The following ASCL3 variants were observed in gnomAD, a reference collection of about 807,000 sequenced individuals.
ASCL3 encodes the protein achaete-scute family bHLH transcription factor 3.
In ASCL3, 1 loss-of-function variant was observed where a neutral mutation model predicts 2.3. The ratio of observed to expected loss-of-function variants is 0.44; its 90% CI spans 0.16 to 2.10. ASCL3 has a LOEUF of 2.10. Among genes scored for constraint, ASCL3 ranks in the 30% most tolerant of loss-of-function variants. The pLI is 0.28. For missense variants in ASCL3, 243 were observed against 229.0 expected (o/e 1.06, Z -0.40); for synonymous variants, 98 against 88.5 (o/e 1.11, Z -0.60).
rs2064685813 is a variant in ASCL3 at position 8,937,727 on chromosome 11, C to A, written c.435G>T (p.Leu145=). ...LRAAIKYINY[L]QSLLYPDKAE... ...CTTTATCAGGGTACAGAAGAGACTGCAGGTAGTTAATGTACTTGATCGCAG... is the reference window on the plus strand; with the variant it reads ...CTTTATCAGGGTACAGAAGAGACTGAAGGTAGTTAATGTACTTGATCGCAG... Residue 145 remains leucine (L), a synonymous_variant, in exon 2 of 2, where the codon CTG becomes CTT. Coordinates refer to ENST00000531618, the MANE Select transcript of ASCL3 (RefSeq NM_020646.3). 1 of 1,614,048 alleles carries A rather than the reference C, an allele frequency of 6.2e-7. No homozygotes were observed. The highest frequency in any genetic ancestry group is 2.2e-5 in the East Asian group (1 of 44,882).
intron 1 of ASCL3, among the ~76,000 whole-genome samples, chr11:8,941,570 A>G (rs117487296): frequency 0.02 from 3,062 of 151,732 alleles, 54 homozygotes; most frequent in Middle Eastern, 0.034. Flanking sequence ...CCAGGGTTAA[A>G]GGCTATAGTA....
At chr11:8,942,272 A>G (rs1317346795) in intron 1 of ASCL3, among the ~76,000 whole-genome samples, 1 of 152,198 alleles carries the variant, frequency 6.6e-6, no homozygotes, top group Non-Finnish European at 1.5e-5. Context: ...GCATTTAAAT[A>G]TGATCACCTT....
chr11:8,937,723 A>T lies in ASCL3; in HGVS notation c.439T>A (p.Ser147Thr), dbSNP rs763545324. ...AAIKYINYLQSLLYPDKAETK... is the reference protein window; with the variant it reads ...AAIKYINYLQTLLYPDKAETK... ...TCAGCTTTATCAGGGTACAGAAGAG[A>T]CTGCAGGTAGTTAATGTACTTGATC... The change falls in exon 2 of 2, where the codon TCT becomes ACT. Residue 147 changes from serine (S) to threonine (T), a missense_variant. By Grantham distance (58) the Ser-to-Thr change is moderately conservative (BLOSUM62 1). Coordinates refer to ENST00000531618, the MANE Select transcript of ASCL3 (RefSeq NM_020646.3). 16 of 1,613,812 alleles carry T rather than the reference A, an allele frequency of 9.9e-6. No homozygotes were observed. Among genetic ancestry groups the T allele is most frequent in the Non-Finnish European group, 1.3e-5 (15 of 1,179,968 alleles).
At chr11:8,939,325 GC>G (rs1297330978) in intron 1 of ASCL3, among the ~76,000 whole-genome samples, 1 of 151,542 alleles carries the variant, frequency 6.6e-6, no homozygotes, top group Non-Finnish European at 1.5e-5. Flanking sequence ...TGCAACCTCT[GC>G]CCCCCCGGGT....
At chr11:8,940,864 T>C (rs10840155) in intron 1 of ASCL3, among the ~76,000 whole-genome samples, 82,386 of 151,948 alleles carry the variant, frequency 0.54, 23,809 homozygotes, top group East Asian at 0.69. Flanking sequence ...TTATAAGTAA[T>C]ACAGAGATGA....
At chr11:8,941,395 G>A (rs1589940016) in intron 1 of ASCL3, among the ~76,000 whole-genome samples, 1 of 151,770 alleles carries the variant, frequency 6.6e-6, no homozygotes, top group African/African-American at 2.4e-5. Context: ...GGCAAGATTA[G>A]ATAATATTGG....
At chr11:8,938,626 A>C (rs2064692156) in intron 1 of ASCL3, among the ~76,000 whole-genome samples, 1 of 152,056 alleles carries the variant, frequency 6.6e-6, no homozygotes, top group Admixed American at 6.6e-5. Context: ...TGGTGTTATA[A>C]TATTCTGTGT....
chr11:8,941,402 T>C (rs1022873116), intron 1 of ASCL3, among the ~76,000 whole-genome samples: 14 of 151,900 alleles, frequency 9.2e-5, no homozygotes, highest in Non-Finnish European at 1.9e-4. Context: ...TTAGATAATA[T>C]TGGCACTTGT....
intron 1 of ASCL3, among the ~76,000 whole-genome samples, chr11:8,941,321 C>T (rs1429011116): frequency 1.5e-5 from 2 of 136,172 alleles, no homozygotes; most frequent in Admixed American, 1.6e-4. Context: ...CTGTGCTTGG[C>T]ATACTAAACA....
At position 8,937,759 on chromosome 11, in the gene ASCL3, G is replaced by A. The variant is rs2064686039; in HGVS notation, c.403C>T (p.Leu135Phe). 6.2e-7 allele frequency: 1 copy of A among 1,614,096 alleles called. No individual in the cohort carries two copies. The highest frequency in any genetic ancestry group is 2.2e-5 in the East Asian group (1 of 44,886). The change falls in exon 2 of 2, where the codon CTC becomes TTC. Residue 135 changes from leucine to phenylalanine, a missense_variant. Physicochemically the swap from Leu to Phe is conservative, Grantham distance 22. Transcript: ENST00000531618. ...TTAATGTACTTGATCGCAGCTCTGA[G>A]GGTTTCCACTTTGCTGAGTCGCTTC... ...LEKRLSKVET[L>F]RAAIKYINYL...
chr11:8,940,940 T>C (rs907963089), intron 1 of ASCL3, among the ~76,000 whole-genome samples: 3 of 152,026 alleles, frequency 2.0e-5, no homozygotes, highest in African/African-American at 7.2e-5. Flanking sequence ...TGTAAGGGAG[T>C]TGGACCTCTG....
chr11:8,940,141 C>CTTTT (rs11298380), intron 1 of ASCL3, among the ~76,000 whole-genome samples: 1 of 141,098 alleles, frequency 7.1e-6, no homozygotes. Context: ...CCATGCCTGG[C>CTTTT]TTTTTTTTTT....
In ASCL3 at chr11:8,938,001, G is replaced by A. The variant is rs753627385; in HGVS notation, c.161C>T (p.Pro54Leu). 5 of 1,613,906 alleles carry A rather than the reference G, an allele frequency of 3.1e-6. No homozygotes were observed. The South Asian group carries it at 4.4e-5, about 14-fold the overall frequency. ...PVSSPYSEEL[P>L]RLPFPSDSLI... ...AGAGTCGCTGGGAAAAGGCAGCCGT[G>A]GCAGCTCCTCAGAGTAAGGGGATGA... Residue 54 changes from proline to leucine, a missense_variant, in exon 2 of 2, where the codon CCA (proline) becomes CTA (leucine). By Grantham distance (98) the Pro-to-Leu change is moderately conservative (BLOSUM62 -3). Transcript: ENST00000531618.
intron 1 of ASCL3, among the ~76,000 whole-genome samples, chr11:8,940,872 T>C (rs763716495): frequency 6.6e-6 from 1 of 152,138 alleles, no homozygotes; most frequent in Non-Finnish European, 1.5e-5. Flanking sequence ...AATACAGAGA[T>C]GATTGAAAGT....
At chr11:8,938,713 C>T (rs1396711165) in intron 1 of ASCL3, among the ~76,000 whole-genome samples, 1 of 151,944 alleles carries the variant, frequency 6.6e-6, no homozygotes, top group African/African-American at 2.4e-5. Context: ...AGTTATTGTC[C>T]TTCCGTTCTT....
intron 1 of ASCL3, among the ~76,000 whole-genome samples, chr11:8,942,204 T>C (rs1171332232): frequency 6.6e-6 from 1 of 152,118 alleles, no homozygotes; most frequent in African/African-American, 2.4e-5. Flanking sequence ...TGGAGGCACA[T>C]TGATGAGAAG....
intron 1 of ASCL3, 67 bp from the exon 2 acceptor site, chr11:8,938,240 A>T: frequency 7.6e-7 from 1 of 1,317,736 alleles, no homozygotes; most frequent in African/African-American, 1.5e-5. Flanking sequence ...TTTCTTGGAG[A>T]TCAATGTTTT....
In ASCL3 at chr11:8,937,842, T is replaced by C; in HGVS notation, c.320A>G (p.Lys107Arg). The change falls in exon 2 of 2, where the codon AAA becomes AGA. Residue 107 changes from lysine (K) to arginine (R), a missense_variant. By Grantham distance (26) the Lys-to-Arg change is conservative. Coordinates refer to ENST00000531618, the MANE Select transcript of ASCL3 (RefSeq NM_020646.3). ...KRNERERQRVKCVNEGYAQLR... is the reference protein window; with the variant it reads ...KRNERERQRVRCVNEGYAQLR... ...CTGGGCGTAGCCTTCATTGACACAT[T>C]TCACCCGCTGCCTTTCCCGCTCATT... 1 of 1,614,118 alleles carries C rather than the reference T, an allele frequency of 6.2e-7. No individual in the cohort carries two copies. The highest frequency in any genetic ancestry group is 8.5e-7 in the Non-Finnish European group (1 of 1,180,000).
intron 1 of ASCL3, among the ~76,000 whole-genome samples, chr11:8,939,777 T>C (rs1360475556): frequency 1.3e-5 from 2 of 152,080 alleles, no homozygotes; most frequent in Non-Finnish European, 2.9e-5. Flanking sequence ...AAAGAATACC[T>C]GATGTGCTAG....
Sources: gnomAD v4.1 joint callset for allele counts (sites outside exome capture counted in the v4.1 genomes callset) on GRCh38, gnomAD v4.1.1 for gene constraint, MANE v1.5 for transcripts, NCBI Gene and HGNC (gene_info 2026-07-23, HGNC 2026-07-21) for gene names.